C13orf42: variants seen among roughly 807,000 people sequenced by gnomAD.
The protein encoded by C13orf42 is uncharacterized protein C13orf42.
At chr13:51,126,720 G>A (rs1314250184) in intron 1 of C13orf42, among the ~76,000 whole-genome samples, 4 of 152,236 alleles carry the variant, frequency 2.6e-5, no homozygotes, top group African/African-American at 9.6e-5. Context: ...GGGACGATGG[G>A]AGTGAATTAC....
At chr13:51,151,988 G>GGCCCA (rs1473368808) in intron 1 of C13orf42, among the ~76,000 whole-genome samples, 2 of 152,128 alleles carry the variant, frequency 1.3e-5, no homozygotes, top group Non-Finnish European at 2.9e-5. Context: ...CAGAATCTCT[G>GGCCCA]GCCCAGCCCA....
chr13:51,170,302 C>G (rs908757429), intron 1 of C13orf42, among the ~76,000 whole-genome samples: 3 of 152,178 alleles, frequency 2.0e-5, no homozygotes, highest in Non-Finnish European at 4.4e-5. Context: ...TCTCTTCACA[C>G]GGACGCGCAT....
chr13:51,170,619 G>T (rs888534910), intron 1 of C13orf42, among the ~76,000 whole-genome samples: 7 of 152,076 alleles, frequency 4.6e-5, no homozygotes, highest in African/African-American at 7.3e-5. Flanking sequence ...TTTTATCCAT[G>T]AACCCAAAAC....
chr13:51,097,608 C>T (rs1953248965), intron 1 of C13orf42, among the ~76,000 whole-genome samples: 1 of 152,118 alleles, frequency 6.6e-6, no homozygotes, highest in Non-Finnish European at 1.5e-5. Flanking sequence ...AGGCTATTGT[C>T]ACAGGAAAAT....
intron 1 of C13orf42, among the ~76,000 whole-genome samples, chr13:51,099,782 G>A (rs1283754760): frequency 2.6e-5 from 4 of 152,148 alleles, no homozygotes; most frequent in Admixed American, 1.3e-4. Context: ...TTATAGGGAT[G>A]AGCCACCTCA....
intron 1 of C13orf42, among the ~76,000 whole-genome samples, chr13:51,102,128 C>T (rs1401133801): frequency 6.6e-6 from 1 of 152,132 alleles, no homozygotes; most frequent in Non-Finnish European, 1.5e-5. Context: ...ATTTTTACTG[C>T]CTTTCAACTA....
intron 1 of C13orf42, among the ~76,000 whole-genome samples, chr13:51,145,729 C>A (rs1055235962): frequency 2.5e-5 from 1 of 39,632 alleles, no homozygotes; most frequent in Non-Finnish European, 5.2e-5. Flanking sequence ...AAGAATATAA[C>A]CATTTATGTA....
At chr13:51,140,942 G>A (rs1380670688) in intron 1 of C13orf42, among the ~76,000 whole-genome samples, 5 of 151,972 alleles carry the variant, frequency 3.3e-5, no homozygotes, top group Non-Finnish European at 5.9e-5. Flanking sequence ...CACTTAGACC[G>A]CTCAGAAATC....
intron 1 of C13orf42, among the ~76,000 whole-genome samples, chr13:51,150,696 C>A (rs996350687): frequency 1.3e-5 from 2 of 152,180 alleles, no homozygotes; most frequent in Non-Finnish European, 2.9e-5. Flanking sequence ...CTAGGGGTCA[C>A]TGCTTGTGCC....
chr13:51,085,381 C>A lies in C13orf42; in HGVS notation c.741G>T (p.Leu247Phe). 1 of 398,570 alleles carries A rather than the reference C, an allele frequency of 2.5e-6. No homozygotes were observed. The highest frequency in any genetic ancestry group is 4.4e-6 in the Non-Finnish European group (1 of 226,060). The allele number at this position is 398,570 out of a possible 1,614,324, so 24.7% of individuals were successfully genotyped here. The change falls in exon 3 of 4, where the codon TTG (leucine) becomes TTT (phenylalanine). Residue 247 changes from leucine to phenylalanine, a missense_variant. By Grantham distance (22) the Leu-to-Phe change is conservative. Coordinates refer to ENST00000563710, the MANE Select transcript of C13orf42 (RefSeq NM_001351589.3). ...TGAAGGCCCCTTCCACAGCCTTGGG[C>A]AAATAAATGGGGTGCCTCTCGAGTC... is the stretch of plus-strand genomic sequence containing the variant. ...QRRLERHPIYLPKAVEGAFNT... is the reference protein window; with the variant it reads ...QRRLERHPIYFPKAVEGAFNT...
intron 1 of C13orf42, among the ~76,000 whole-genome samples, chr13:51,145,817 G>T (rs1273317389): frequency 1.3e-5 from 2 of 152,140 alleles, no homozygotes; most frequent in Admixed American, 1.3e-4. Flanking sequence ...CACCTTTCCA[G>T]ACCGAACCAA....
rs1953078741 is a variant in C13orf42, at chr13:51,082,899, T to A, written c.*1252A>T. 3.9e-5 allele frequency: 6 copies of A among 152,260 alleles called. No homozygotes were observed. The highest frequency in any genetic ancestry group is 3.9e-4 in the Admixed American group (6 of 15,288). 9.4% of individuals were successfully genotyped at this position (152,260 alleles called of 1,614,324 possible). A position where few individuals can be genotyped will look rare whatever the true frequency, so the allele number is the denominator to read the frequency against. ...AGAGTTACATATTCTTAGATTCATA[T>A]GATCAGGTTCACATAAACAAAAGGT... On this transcript the variant is annotated 3_prime_UTR_variant, in exon 4 of 4. Transcript: ENST00000563710.
intron 1 of C13orf42, among the ~76,000 whole-genome samples, chr13:51,132,196 A>G (rs1299418203): frequency 6.6e-6 from 1 of 152,170 alleles, no homozygotes; most frequent in Non-Finnish European, 1.5e-5. Context: ...TAATCCCAGC[A>G]CTTTGGGAGG....
At position 51,130,866 on chromosome 13, in the gene C13orf42, T is replaced by A. The variant is rs867933876; in HGVS notation, n.137-17644A>T. On this transcript the variant is annotated intron_variant and non_coding_transcript_variant, in intron 1 of 4. Coordinates refer to the C13orf42 transcript ENST00000433280. ...ATGTGTTTTTGGTAAAAAAAAAATA[T>A]ATATATATATATATAAACAGTCAAG... Among the ~76,000 whole-genome samples, 897 of 150,246 alleles carry A rather than the reference T, an allele frequency of 6.0e-3. 6 individuals are homozygous for A. Among genetic ancestry groups the A allele is most frequent in the African/African-American group, 0.019 (798 of 41,016 alleles).
chr13:51,085,179 C>T, intron 3 of C13orf42, 140 bp downstream of exon 3: 1 of 165,022 alleles, frequency 6.1e-6, no homozygotes. Flanking sequence ...CCACCAGCAA[C>T]AACAAATATA....
At chr13:51,123,045 C>T (rs1293785467) in intron 1 of C13orf42, among the ~76,000 whole-genome samples, 1 of 152,150 alleles carries the variant, frequency 6.6e-6, no homozygotes, top group Non-Finnish European at 1.5e-5. Flanking sequence ...CTAGCTAATC[C>T]GTTTTCTTTG....
chr13:51,112,607 G>T (rs1953446104), upstream of C13orf42, among the ~76,000 whole-genome samples: 1 of 152,206 alleles, frequency 6.6e-6, no homozygotes, highest in Admixed American at 6.5e-5. Context: ...CTTCACAGTT[G>T]TAGCATGCTT....
At chr13:51,143,653 T>A (rs12429772) in intron 1 of C13orf42, among the ~76,000 whole-genome samples, 1 of 151,896 alleles carries the variant, frequency 6.6e-6, no homozygotes, top group East Asian at 1.9e-4. Context: ...ATAAATGACT[T>A]TACAATGACC....
At chr13:51,085,004 C>T (rs368863512) in intron 3 of C13orf42, among the ~76,000 whole-genome samples, 7 of 151,854 alleles carry the variant, frequency 4.6e-5, no homozygotes, top group Non-Finnish European at 8.8e-5. Context: ...GCATGCCATG[C>T]GTCAATGGCA....
Sources: gnomAD v4.1 joint callset for allele counts (sites outside exome capture counted in the v4.1 genomes callset) on GRCh38, gnomAD v4.1.1 for gene constraint, MANE v1.5 for transcripts, NCBI Gene and HGNC (gene_info 2026-07-23, HGNC 2026-07-21) for gene names.